VPS41: variants seen among roughly 807,000 people sequenced by gnomAD.
VPS41 encodes the protein vacuolar protein sorting-associated protein 41 homolog.
A neutral mutation model predicts 130.9 loss-of-function variants in VPS41; 85 were observed. The observed-to-expected ratio is 0.65, with a 90% CI of 0.55 to 0.78. The LOEUF is 0.78. VPS41 is among the 30% of genes least tolerant of loss of function. The pLI, the probability that VPS41 is intolerant of heterozygous loss-of-function variation, is 0.00. For missense variants in VPS41, 874 were observed against 1,018.7 expected, an observed-to-expected ratio of 0.86 and a Z score of 1.93; for synonymous variants, 335 against 332.9, an observed-to-expected ratio of 1.01 and a Z score of -0.07.
chr7:38,816,054 G>A (rs1018259533), intron 7 of VPS41, among the ~76,000 whole-genome samples: 2 of 152,046 alleles, frequency 1.3e-5, no homozygotes, highest in South Asian at 4.2e-4. Context: ...GAAGAAATAC[G>A]AGAGGAATGT....
intron 7 of VPS41, among the ~76,000 whole-genome samples, chr7:38,806,931 G>A (rs1438199213): frequency 6.6e-6 from 1 of 152,160 alleles, no homozygotes; most frequent in African/African-American, 2.4e-5. Flanking sequence ...CCATGACCAT[G>A]AAGGACCAGG....
intron 2 of VPS41, among the ~76,000 whole-genome samples, chr7:38,895,153 C>A (rs1786953900): frequency 6.6e-6 from 1 of 152,120 alleles, no homozygotes; most frequent in Admixed American, 6.5e-5. Flanking sequence ...AAAACCCCAT[C>A]TCTACTAAAA....
intron 2 of VPS41, among the ~76,000 whole-genome samples, chr7:38,897,023 G>A (rs919427557): frequency 6.6e-6 from 1 of 151,756 alleles, no homozygotes; most frequent in Admixed American, 6.6e-5. Context: ...GTGAAACCCT[G>A]TCTCTACTAA....
rs1389650014 is a variant in VPS41, at chr7:38,723,776, T to C, written c.*2470A>G. On this transcript the variant is annotated 3_prime_UTR_variant, in exon 29 of 29. Coordinates refer to ENST00000310301, the MANE Select transcript of VPS41 (RefSeq NM_014396.4). ...AAGAATAGCTTATGAAGTGTGTACT[T>C]TGCAACTATGTTCTTCCCCAAAACG... 2 of 147,192 alleles carry C rather than the reference T, an allele frequency of 1.4e-5. No individual in the cohort carries two copies. Among genetic ancestry groups the C allele is most frequent in the South Asian group, 2.3e-4 (1 of 4,428 alleles). 9.1% of individuals were successfully genotyped at this position (147,192 alleles called of 1,614,324 possible). A position where few individuals can be genotyped will look rare whatever the true frequency, so the allele number is the denominator to read the frequency against.
rs563387450 is a variant in VPS41 at position 38,800,519 on chromosome 7, G to A, written c.451-3655C>T. Among the ~76,000 whole-genome samples, 10 of 152,222 alleles carry A rather than the reference G, an allele frequency of 6.6e-5. No homozygotes were observed. The South Asian group carries it at 2.1e-3, about 32-fold the overall frequency. On this transcript the variant is annotated intron_variant, in intron 7 of 28. Transcript: ENST00000310301. ...GAAAACTTAGGGGAATAGTTAAAAT[G>A]AAACAACAAAGTAATATCAAAAATT...
At chr7:38,906,328 C>G (rs1313389034) in intron 1 of VPS41, among the ~76,000 whole-genome samples, 1 of 138,198 alleles carries the variant, frequency 7.2e-6, no homozygotes, top group African/African-American at 2.4e-5. Context: ...CAACAGACTG[C>G]TGGGTTTTTT....
Position 38,754,843 on chromosome 7 carries a change from A to G in VPS41, c.1737+52T>C, listed in dbSNP as rs1291630944. 4 of 1,586,626 alleles carry G rather than the reference A, an allele frequency of 2.5e-6. No homozygotes were observed. In the Admixed American group the frequency reaches 5.0e-5, roughly 20 times the overall value. Reference sequence around the variant, plus strand: ...GATAAACTCTCTTCTTCACAGCTATAGGAGTCCCAGACGTTCATCTGGTAA... The same window carrying G: ...GATAAACTCTCTTCTTCACAGCTATGGGAGTCCCAGACGTTCATCTGGTAA... On this transcript the variant is annotated intron_variant, in intron 20 of 28. Coordinates refer to ENST00000310301, the MANE Select transcript of VPS41 (RefSeq NM_014396.4).
chr7:38,882,330 T>C (rs769813706), intron 2 of VPS41, among the ~76,000 whole-genome samples: 18 of 152,218 alleles, frequency 1.2e-4, no homozygotes, highest in Non-Finnish European at 4.4e-5. Context: ...CCTACCTCAC[T>C]GGTTACCCTT....
chr7:38,766,231 CCATGCAGT>C (rs1333193225), intron 15 of VPS41, among the ~76,000 whole-genome samples: 5 of 152,222 alleles, frequency 3.3e-5, no homozygotes, highest in African/African-American at 1.2e-4. Flanking sequence ...TCCAGGACTG[CCATGCAGT>C]CATGCAGCGG....
chr7:38,908,424 C>T (rs892784816), intron 1 of VPS41, among the ~76,000 whole-genome samples: 30 of 152,134 alleles, frequency 2.0e-4, no homozygotes, highest in African/African-American at 7.2e-4. Context: ...AACTTCAGTG[C>T]CACGTTGCCA....
chr7:38,792,307 A>G (rs1206996404), intron 9 of VPS41, among the ~76,000 whole-genome samples: 1 of 152,202 alleles, frequency 6.6e-6, no homozygotes, highest in East Asian at 1.9e-4. Flanking sequence ...CTTGCCCATG[A>G]ACTCTAATCT....
At chr7:38,866,482 C>T (rs1012096543) in intron 3 of VPS41, among the ~76,000 whole-genome samples, 2 of 152,088 alleles carry the variant, frequency 1.3e-5, no homozygotes, top group Admixed American at 6.6e-5. Context: ...GAGGATTCAT[C>T]CGTGGCTTAG....
chr7:38,816,093 A>G (rs1011946330), intron 7 of VPS41, among the ~76,000 whole-genome samples: 10 of 152,208 alleles, frequency 6.6e-5, no homozygotes, highest in African/African-American at 1.9e-4. Flanking sequence ...AGGCTGACAA[A>G]GACAAAGACA....
chr7:38,772,712 G>C (rs1308468251), intron 12 of VPS41, 75 bp from the exon 13 acceptor site: 2 of 992,338 alleles, frequency 2.0e-6, no homozygotes, highest in Non-Finnish European at 3.1e-6. Context: ...AGAGGACCTG[G>C]TTAGGTTACC....
Position 38,889,949 on chromosome 7 carries a change from T to G in VPS41, c.60+8142A>C, listed in dbSNP as rs148373917. Among the ~76,000 whole-genome samples the G allele has an allele frequency of 2.8e-4, 42 of 152,308 alleles. No individual in the cohort carries two copies. The East Asian group carries it at 7.9e-3, about 29-fold the overall frequency. ...GGAGGGTAAAGGAACTAAATGGAAG[T>G]AAGGTTTCTACACTTCACTAGAAGT... On this transcript the variant is annotated intron_variant, in intron 2 of 28. Transcript: ENST00000310301.
intron 4 of VPS41, chr7:38,831,383 C>A: frequency 2.6e-6 from 1 of 381,674 alleles, no homozygotes; most frequent in Non-Finnish European, 5.2e-6. Flanking sequence ...TGCACTAACA[C>A]ATGCCAAGTG....
chr7:38,760,009 G>A, intron 17 of VPS41, among the ~76,000 whole-genome samples: 1 of 152,102 alleles, frequency 6.6e-6, no homozygotes, highest in Non-Finnish European at 1.5e-5. Context: ...TTGAGACTTT[G>A]GCTCAAGTCT....
intron 21 of VPS41, 41 bp downstream of exon 21, chr7:38,754,660 TG>T: frequency 3.3e-6 from 5 of 1,528,026 alleles, no homozygotes; most frequent in Non-Finnish European, 4.5e-6. Flanking sequence ...ATTCACCCAC[TG>T]GTCAATCAAA....
At chr7:38,818,197 T>C (rs1019066095) in intron 6 of VPS41, among the ~76,000 whole-genome samples, 1 of 146,320 alleles carries the variant, frequency 6.8e-6, no homozygotes, top group African/African-American at 2.5e-5. Context: ...TTGGTCAAGG[T>C]AGCAAGATGT....
Sources: allele counts gnomAD v4.1 joint callset (sites outside exome capture counted in the v4.1 genomes callset), GRCh38; gene constraint gnomAD v4.1.1; transcripts MANE v1.5; gene names NCBI Gene and HGNC (gene_info 2026-07-23, HGNC 2026-07-21).